The following PTBP3 variants were observed in gnomAD, a reference collection of about 807,000 sequenced individuals.
PTBP3 encodes the protein polypyrimidine tract-binding protein 3.
Under a neutral mutation model 58.7 loss-of-function variants are expected in PTBP3, and 20 were observed. That is an observed-to-expected ratio of 0.34 (90% CI 0.24 to 0.50). PTBP3 has a LOEUF of 0.50. Ranked by LOEUF, PTBP3 falls within the 20% of genes least tolerant of loss-of-function variation. The pLI is 0.98. For synonymous variants in PTBP3, 185 were observed against 219.8 expected, an observed-to-expected ratio of 0.84 and a Z score of 1.40; for missense variants, 509 against 637.2, an observed-to-expected ratio of 0.80 and a Z score of 2.17.
At position 112,333,600 on chromosome 9, in the gene PTBP3, G is replaced by A. The variant is rs372128845; in HGVS notation, c.-182C>T. On this transcript the variant is annotated 5_prime_UTR_variant, in exon 1 of 14. Transcript: ENST00000374257. The stretch of plus-strand genomic sequence containing the variant: ...CTTTGGCTCTGCGGAGCCCCGGCCG[G>A]TCCGAGGTGGAAGGAGAGTGGGAAC... The A allele has an allele frequency of 5.9e-4, 717 of 1,214,528 alleles. 11 individuals are homozygous for A. In the South Asian group the frequency reaches 8.7e-3, roughly 15 times the overall value. 75.2% of individuals were successfully genotyped at this position (1,214,528 alleles called of 1,614,324 possible).
intron 2 of PTBP3, chr9:112,280,990 C>T (rs964469462): frequency 4.6e-5 from 7 of 152,024 alleles, no homozygotes; most frequent in Non-Finnish European, 1.0e-4. Flanking sequence ...AGTCTATATA[C>T]TTTCCAAGAA....
Position 112,320,292 on chromosome 9 carries a change from AT to A in PTBP3, c.-52+13177del, listed in dbSNP as rs766628185. Among the ~76,000 whole-genome samples the A allele has an allele frequency of 5.2e-3, 201 of 38,528 alleles. 2 individuals are homozygous for A. The highest frequency in any genetic ancestry group is 0.032 in the African/African-American group (157 of 4,834). 25.3% of individuals were successfully genotyped at this position (38,528 alleles called of 152,430 possible). On this transcript the variant is annotated intron_variant, in intron 1 of 13. Coordinates refer to ENST00000374257, the MANE Select transcript of PTBP3 (RefSeq NM_001163788.4). The stretch of plus-strand genomic sequence containing the variant: ...GACCCTTTCTCTTAAAAAAAAAAAA[AT>A]ATATATATATATATATATATATTTT...
At chr9:112,236,008 A>G (rs1835425065) in intron 7 of PTBP3, among the ~76,000 whole-genome samples, 4 of 152,146 alleles carry the variant, frequency 2.6e-5, no homozygotes. Context: ...AGAAGTAGTG[A>G]GAGGTTGGAC....
At chr9:112,378,814 A>G in the PTBP3 span, among the ~76,000 whole-genome samples, 1 of 152,238 alleles carries the variant, frequency 6.6e-6, no homozygotes, top group Non-Finnish European at 1.5e-5. Flanking sequence ...AGACCGTATC[A>G]TGAATCATCA....
At chr9:112,374,263 C>T in the PTBP3 span, among the ~76,000 whole-genome samples, 2 of 152,164 alleles carry the variant, frequency 1.3e-5, no homozygotes, top group African/African-American at 4.8e-5. Flanking sequence ...ATCTTAACTT[C>T]CCATTTAATG....
At chr9:112,357,156 A>C in the PTBP3 span, among the ~76,000 whole-genome samples, 3 of 152,050 alleles carry the variant, frequency 2.0e-5, no homozygotes, top group Admixed American at 2.0e-4. Context: ...TGTTGAGATT[A>C]CAGGCATGAG....
the PTBP3 span, among the ~76,000 whole-genome samples, chr9:112,364,732 C>T: frequency 6.6e-6 from 1 of 152,148 alleles, no homozygotes; most frequent in South Asian, 2.1e-4. Flanking sequence ...AAAAATGGCA[C>T]CAATTGACTT....
In PTBP3 at chr9:112,298,132, GGGA is replaced by G; in HGVS notation, c.-51-219_-51-217del. Among the ~76,000 whole-genome samples the G allele has an allele frequency of 2.0e-5, 3 of 152,228 alleles. 1 individual carries two copies. The South Asian group carries it at 6.2e-4, about 32-fold the overall frequency. On this transcript the variant is annotated intron_variant, in intron 1 of 13. Coordinates refer to ENST00000374257, the MANE Select transcript of PTBP3 (RefSeq NM_001163788.4). ...AAACACAACTGCCACCACAGAAATGGGGACATAATCTTTAAATTCTTTCTAACC... is the reference window on the plus strand; with the variant it reads ...AAACACAACTGCCACCACAGAAATGGCATAATCTTTAAATTCTTTCTAACC...
chr9:112,287,875 T>C (rs1828214091), intron 2 of PTBP3, among the ~76,000 whole-genome samples: 1 of 152,208 alleles, frequency 6.6e-6, no homozygotes, highest in African/African-American at 2.4e-5. Context: ...GATAATTCCA[T>C]CATCTCTGTA....
chr9:112,258,085 C>A (rs894712192), intron 5 of PTBP3, among the ~76,000 whole-genome samples: 3 of 151,784 alleles, frequency 2.0e-5, no homozygotes, highest in Non-Finnish European at 4.4e-5. Context: ...TACTAGGATT[C>A]TTTTATTTAG....
rs1208232673 is a variant in PTBP3 at position 112,221,747 on chromosome 9, T to G, written c.*2104A>C. 3 of 985,230 alleles carry G rather than the reference T, an allele frequency of 3.0e-6. No individual in the cohort carries two copies. Among genetic ancestry groups the G allele is most frequent in the Non-Finnish European group, 3.6e-6 (3 of 829,728 alleles). The allele number at this position is 985,230 out of a possible 1,614,324, so 61.0% of individuals were successfully genotyped here. On this transcript the variant is annotated 3_prime_UTR_variant, in exon 14 of 14. Transcript: ENST00000374257. Reference sequence around the variant, plus strand: ...CTTAACTTAGTATCCCTCCTTTCTATTCTACCAACTAAGTGTTGCTCAGTG... The same window carrying G: ...CTTAACTTAGTATCCCTCCTTTCTAGTCTACCAACTAAGTGTTGCTCAGTG...
At chr9:112,330,559 G>A in intron 1 of PTBP3, 3 of 850,576 alleles carry the variant, frequency 3.5e-6, no homozygotes, top group South Asian at 3.3e-5. Flanking sequence ...GAATAAAGGG[G>A]AAAAAGCATT....
chr9:112,355,824 G>T, the PTBP3 span, among the ~76,000 whole-genome samples: 1 of 151,940 alleles, frequency 6.6e-6, no homozygotes, highest in East Asian at 1.9e-4. Context: ...TTTCGCGTTG[G>T]CCAGGCAGTC....
At chr9:112,371,785 G>A in the PTBP3 span, among the ~76,000 whole-genome samples, 1 of 151,512 alleles carries the variant, frequency 6.6e-6, no homozygotes, top group East Asian at 1.9e-4. Flanking sequence ...CTAGGCTAGA[G>A]TGCAGTGGCA....
At chr9:112,232,307 A>G (rs1051773454) in intron 8 of PTBP3, 69 bp from the exon 9 acceptor site, 2 of 1,378,332 alleles carry the variant, frequency 1.5e-6, no homozygotes, top group African/African-American at 2.9e-5. Context: ...ATACAATTTA[A>G]GTAAATAAAG....
In PTBP3 at chr9:112,222,876, GATTA is replaced by G. The variant is rs912502401; in HGVS notation, c.*971_*974del. ...TTATAGTGGTACAAAAAACCCTTGAGATTAATTTTTTTCTAAAAGAAGACCTTAC... is the reference window on the plus strand; with the variant it reads ...TTATAGTGGTACAAAAAACCCTTGAGATTTTTTTCTAAAAGAAGACCTTAC... On this transcript the variant is annotated 3_prime_UTR_variant, in exon 14 of 14. Coordinates refer to ENST00000374257, the MANE Select transcript of PTBP3 (RefSeq NM_001163788.4). 9.6e-5 allele frequency: 85 copies of G among 888,404 alleles called. No individual in the cohort carries two copies. The highest frequency in any genetic ancestry group is 1.2e-4 in the East Asian group (1 of 8,324). The allele number at this position is 888,404 out of a possible 1,614,324, so 55.0% of individuals were successfully genotyped here. A position where few individuals can be genotyped will look rare whatever the true frequency, so the allele number is the denominator to read the frequency against.
chr9:112,308,290 G>A (rs925192337), intron 1 of PTBP3, among the ~76,000 whole-genome samples: 1 of 148,098 alleles, frequency 6.8e-6, no homozygotes, highest in Non-Finnish European at 1.5e-5. Flanking sequence ...GATTCCCAAA[G>A]TGTTGGAATT....
At chr9:112,304,626 G>A (rs1322462166) in intron 1 of PTBP3, among the ~76,000 whole-genome samples, 3 of 152,108 alleles carry the variant, frequency 2.0e-5, no homozygotes, top group African/African-American at 7.2e-5. Flanking sequence ...GACTGCAGTG[G>A]GATGATCATA....
intron 1 of PTBP3, among the ~76,000 whole-genome samples, chr9:112,319,130 GA>G (rs1436224750): frequency 4.7e-4 from 14 of 29,490 alleles, no homozygotes; most frequent in Non-Finnish European, 5.2e-4. Flanking sequence ...TCCGTCTCAA[GA>G]AAAAAAAAAA....
Sources: allele counts gnomAD v4.1 joint callset (sites outside exome capture counted in the v4.1 genomes callset), GRCh38; gene constraint gnomAD v4.1.1; transcripts MANE v1.5; gene names NCBI Gene and HGNC (gene_info 2026-07-23, HGNC 2026-07-21).